Variants in KCNAB2 observed in about 807,000 individuals in gnomAD.
The protein encoded by KCNAB2 is voltage-gated potassium channel subunit beta-2.
In KCNAB2, 29 loss-of-function variants were observed where a neutral mutation model predicts 63.6. The ratio of observed to expected loss-of-function variants is 0.46; its 90% CI spans 0.34 to 0.62. The LOEUF (loss-of-function observed/expected upper bound fraction) is 0.62. Ranked by LOEUF, KCNAB2 falls within the 20% of genes least tolerant of loss-of-function variation. The pLI, the probability that KCNAB2 is intolerant of heterozygous loss-of-function variation, is 0.01. For missense variants in KCNAB2, 359 were observed against 563.9 expected, an observed-to-expected ratio of 0.64 and a Z score of 3.68; for synonymous variants, 222 against 224.2, an observed-to-expected ratio of 0.99 and a Z score of 0.09.
chr1:6,042,827 C>T (rs374102097), upstream of KCNAB2, among the ~76,000 whole-genome samples: 395 of 70,542 alleles, frequency 5.6e-3, 11 homozygotes, highest in African/African-American at 0.023. Flanking sequence ...TTTCTCTCCC[C>T]GCGCCCCCAC....
At position 6,098,699 on chromosome 1, in the gene KCNAB2, G is replaced by GTTTTC; in HGVS notation, c.*126_*127insTTTCT. On this transcript the variant is annotated 3_prime_UTR_variant, in exon 16 of 16. Transcript: ENST00000378083. ...CCAAGAGAAAACACCACACTGTGAT[G>GTTTTC]TCATCGGGAAATGATCTCCCAAGTC... The GTTTTC allele has an allele frequency of 8.2e-7, 1 of 1,216,840 alleles. No individual in the cohort carries two copies. Among genetic ancestry groups the GTTTTC allele is most frequent in the Non-Finnish European group, 1.1e-6 (1 of 877,236 alleles). The allele number at this position is 1,216,840 out of a possible 1,614,324, so 75.4% of individuals were successfully genotyped here. A position where few individuals can be genotyped will look rare whatever the true frequency, so the allele number is the denominator to read the frequency against.
intron 1 of KCNAB2, among the ~76,000 whole-genome samples, chr1:6,013,629 C>T (rs1464066509): frequency 6.6e-6 from 1 of 152,100 alleles, no homozygotes; most frequent in Non-Finnish European, 1.5e-5. Flanking sequence ...CTCTGGAAAC[C>T]CAGGAGCCAC....
rs867068565 is a variant in KCNAB2 at position 6,005,111 on chromosome 1, A to T, written c.-53+12323A>T. Among the ~76,000 whole-genome samples the T allele has an allele frequency of 3.0e-3, 4 of 1,336 alleles. 1 individual carries two copies. Among genetic ancestry groups the T allele is most frequent in the African/African-American group, 6.4e-3 (4 of 628 alleles). The allele number at this position is 1,336 out of a possible 152,430, so 0.9% of individuals were successfully genotyped here. The stretch of plus-strand genomic sequence containing the variant: ...TGAGGGGTGAGGGTAGAGTGGGGGG[A>T]TGTGGGAGCTGAGCTGAGGGGTGAG... On this transcript the variant is annotated intron_variant, in intron 1 of 16. Transcript: ENST00000341524.
At chr1:6,041,008 C>T (rs1445318147), upstream of KCNAB2, among the ~76,000 whole-genome samples, 2 of 152,246 alleles carry the variant, frequency 1.3e-5, no homozygotes, top group Non-Finnish European at 2.9e-5. Context: ...TACATCGCAG[C>T]CCCTGTGGCC....
At chr1:5,992,812 G>A (rs1266736648) in intron 1 of KCNAB2, 1 of 152,054 alleles carries the variant, frequency 6.6e-6, no homozygotes, top group Non-Finnish European at 1.5e-5. Context: ...AGACCCCGGC[G>A]GGGCGCGCTT....
chr1:6,021,944 G>A (rs113485425), intron 1 of KCNAB2, among the ~76,000 whole-genome samples: 3,998 of 151,880 alleles, frequency 0.026, 187 homozygotes, highest in African/African-American at 0.092. Flanking sequence ...AAGTGCAGTA[G>A]CATTGAGGGT....
chr1:6,052,294 A>G (rs1275230550), intron 2 of KCNAB2, among the ~76,000 whole-genome samples: 1 of 151,846 alleles, frequency 6.6e-6, no homozygotes, highest in Non-Finnish European at 1.5e-5. Flanking sequence ...GCATGGTGCC[A>G]TGCACCTGTA....
At chr1:6,060,901 CA>C (rs58592769) in intron 2 of KCNAB2, among the ~76,000 whole-genome samples, 2,099 of 85,172 alleles carry the variant, frequency 0.025, 20 homozygotes, top group Middle Eastern at 0.058. Flanking sequence ...GACTCCGTCT[CA>C]AAAAAAAAAA....
At chr1:6,004,151 A>AC (rs1260985218) in intron 1 of KCNAB2, among the ~76,000 whole-genome samples, 1 of 151,616 alleles carries the variant, frequency 6.6e-6, no homozygotes, top group East Asian at 1.9e-4. Flanking sequence ...CAGGGTCCAG[A>AC]CCCCTAGTAA....
chr1:5,994,736 C>T lies in KCNAB2; in HGVS notation c.-53+1948C>T, dbSNP rs559190839. The stretch of plus-strand genomic sequence containing the variant: ...AAGCCATTGCACCCGGGAGGTGGGA[C>T]GTGGGCCATGGCGCTAGAGAGCTGG... On this transcript the variant is annotated intron_variant, in intron 1 of 16. Transcript: ENST00000341524. This position sits in a 1 kb window ranked among gnomAD's most constrained non-coding sequence, Gnocchi z 5.4. Among the ~76,000 whole-genome samples, 3 of 152,218 alleles carry T rather than the reference C, an allele frequency of 2.0e-5. No individual in the cohort carries two copies. Among genetic ancestry groups the T allele is most frequent in the South Asian group, 2.1e-4 (1 of 4,824 alleles).
intron 2 of KCNAB2, among the ~76,000 whole-genome samples, chr1:6,055,744 C>T (rs1263971340): frequency 6.6e-6 from 1 of 152,082 alleles, no homozygotes; most frequent in Admixed American, 6.5e-5. Context: ...GGTGGCCTCA[C>T]TCTATCTGGT....
intron 1 of KCNAB2, among the ~76,000 whole-genome samples, chr1:6,017,591 C>T (rs952618777): frequency 2.0e-5 from 3 of 151,966 alleles, no homozygotes; most frequent in Non-Finnish European, 4.4e-5. Flanking sequence ...GTCAGGAGTT[C>T]GAGACCATCT....
intron 1 of KCNAB2, among the ~76,000 whole-genome samples, chr1:6,020,525 C>T (rs1365936732): frequency 1.3e-5 from 2 of 152,268 alleles, no homozygotes; most frequent in Middle Eastern, 3.4e-3. Flanking sequence ...AGAATTTTCC[C>T]GAAGCCCCAC....
At chr1:6,019,552 G>A (rs931471813) in intron 1 of KCNAB2, among the ~76,000 whole-genome samples, 5 of 152,164 alleles carry the variant, frequency 3.3e-5, no homozygotes, top group South Asian at 2.1e-4. Flanking sequence ...AAACTGTGCC[G>A]AATGATGGCT....
At chr1:6,049,262 C>T (rs1373733320) in intron 1 of KCNAB2, among the ~76,000 whole-genome samples, 1 of 152,216 alleles carries the variant, frequency 6.6e-6, no homozygotes, top group African/African-American at 2.4e-5. Flanking sequence ...ATCTGAGTCC[C>T]TCCTCTGTAC....
upstream of KCNAB2, among the ~76,000 whole-genome samples, chr1:6,044,983 G>A (rs371196808): frequency 6.6e-5 from 10 of 152,268 alleles, no homozygotes; most frequent in African/African-American, 2.2e-4. Flanking sequence ...GTAGTGAGGC[G>A]CAGGCCCCCC....
intron 2 of KCNAB2, among the ~76,000 whole-genome samples, chr1:6,070,290 C>T (rs1337796463): frequency 6.6e-6 from 1 of 152,216 alleles, no homozygotes; most frequent in Non-Finnish European, 1.5e-5. Context: ...AGGCACTGAT[C>T]AGAACCTCCA....
intron 1 of KCNAB2, among the ~76,000 whole-genome samples, chr1:6,022,325 G>T (rs1376757726): frequency 6.6e-6 from 1 of 151,938 alleles, no homozygotes; most frequent in Non-Finnish European, 1.5e-5. Context: ...GTGGTATTGA[G>T]TGTACAGTTC....
rs370012532 is a variant in KCNAB2 at position 6,099,973 on chromosome 1, G to A, written c.*1399G>A. On this transcript the variant is annotated 3_prime_UTR_variant, in exon 16 of 16. Coordinates refer to ENST00000378083, the MANE Select transcript of KCNAB2 (RefSeq NM_001199862.2). ...GCAGTACCCAGGCTTTGCAGACCACGCGGGGCAGGGCTCCACTGAAGCCAC... is the reference window on the plus strand; with the variant it reads ...GCAGTACCCAGGCTTTGCAGACCACACGGGGCAGGGCTCCACTGAAGCCAC... 6.5e-4 allele frequency: 1,014 copies of A among 1,548,946 alleles called. 6 individuals carry two copies. The African/African-American group carries it at 0.012, about 18-fold the overall frequency.
Sources: allele counts gnomAD v4.1 joint callset (sites outside exome capture counted in the v4.1 genomes callset), GRCh38; gene constraint gnomAD v4.1.1; non-coding constraint Gnocchi (gnomAD v3.1); transcripts MANE v1.5; gene names NCBI Gene and HGNC (gene_info 2026-07-23, HGNC 2026-07-21).